MYOF: variants seen among roughly 807,000 people sequenced by gnomAD.
The protein encoded by MYOF is myoferlin, also known as fer-1-like 3, myoferlin.
A neutral mutation model predicts 284.2 loss-of-function variants in MYOF; 244 were observed. The observed-to-expected ratio is 0.86, with a 90% CI of 0.77 to 0.95. The LOEUF is 0.95. MYOF is among the 40% of genes least tolerant of loss of function. The probability of loss-of-function intolerance (pLI) is 0.00; values close to 1 mark genes in which losing one functional copy is unlikely to be tolerated. For synonymous variants in MYOF, 904 were observed against 919.7 expected (o/e 0.98, Z 0.31); for missense variants, 2,496 against 2,560.6 (o/e 0.97, Z 0.54).
chr10:93,402,159 C>A, intron 11 of MYOF, 73 bp downstream of exon 11: 1 of 1,178,336 alleles, frequency 8.5e-7, no homozygotes, highest in South Asian at 1.2e-5. Context: ...CACAATTACC[C>A]ATGCCCACAT....
At position 93,366,391 on chromosome 10, in the gene MYOF, C is replaced by T. The variant is rs753467491; in HGVS notation, c.2753+1G>A. ...TTTTACTCAGAAAATGGACAACTTACCTTCTTTCAGGATCAACTATCCACT... is the reference window on the plus strand; with the variant it reads ...TTTTACTCAGAAAATGGACAACTTATCTTCTTTCAGGATCAACTATCCACT... On this transcript the variant is annotated splice_donor_variant, in intron 26 of 53. Coordinates refer to ENST00000359263, the MANE Select transcript of MYOF (RefSeq NM_013451.4). LOFTEE classifies it high-confidence loss of function. 1.2e-6 allele frequency: 2 copies of T among 1,610,752 alleles called. No individual in the cohort carries two copies. The highest frequency in any genetic ancestry group is 1.7e-6 in the Non-Finnish European group (2 of 1,179,264).
chr10:93,347,896 G>C, intron 36 of MYOF, 114 bp from the exon 37 acceptor site: 1 of 1,047,004 alleles, frequency 9.6e-7, no homozygotes, highest in Non-Finnish European at 1.3e-6. Flanking sequence ...CAGAGGACTC[G>C]CAATAGTTCA....
intron 3 of MYOF, among the ~76,000 whole-genome samples, chr10:93,441,392 T>C (rs1418188458): frequency 6.7e-6 from 1 of 149,650 alleles, no homozygotes; most frequent in Non-Finnish European, 1.5e-5. Context: ...GTACATTTCT[T>C]TTTTTTTTTG....
intron 1 of MYOF, among the ~76,000 whole-genome samples, chr10:93,462,345 C>T (rs1391745735): frequency 6.6e-6 from 1 of 152,174 alleles, no homozygotes; most frequent in East Asian, 1.9e-4. Flanking sequence ...GCTGGGATTA[C>T]AGGCGTGAGA....
intron 1 of MYOF, among the ~76,000 whole-genome samples, chr10:93,464,030 C>T (rs960500720): frequency 1.3e-5 from 2 of 152,056 alleles, no homozygotes; most frequent in Admixed American, 6.6e-5. Context: ...ATGTTGCTGT[C>T]GAGGTATTTT....
intron 45 of MYOF, 131 bp from the exon 46 acceptor site, chr10:93,326,096 T>C: frequency 8.4e-7 from 1 of 1,193,068 alleles, no homozygotes; most frequent in Non-Finnish European, 1.2e-6. Flanking sequence ...ATGCAAACTT[T>C]GACTTGTGAA....
chr10:93,442,192 C>G (rs1364313489), intron 3 of MYOF, among the ~76,000 whole-genome samples: 1 of 152,140 alleles, frequency 6.6e-6, no homozygotes, highest in Non-Finnish European at 1.5e-5. Flanking sequence ...AGTTGAAGAT[C>G]AGACTGTCTG....
intron 37 of MYOF, 66 bp downstream of exon 37, chr10:93,347,551 T>C (rs1844256954): frequency 5.3e-6 from 2 of 378,358 alleles, no homozygotes; most frequent in South Asian, 3.5e-5. Flanking sequence ...AGAGCGAGAC[T>C]CCGTCTCAAA....
At chr10:93,317,586 G>A (rs1209229794) in intron 49 of MYOF, among the ~76,000 whole-genome samples, 4 of 152,150 alleles carry the variant, frequency 2.6e-5, no homozygotes, top group Admixed American at 1.3e-4. Context: ...GCAGTGAGCT[G>A]AGATCATACC....
At position 93,404,073 on chromosome 10, in the gene MYOF, C is replaced by A. The variant is rs1485839694; in HGVS notation, c.793G>T (p.Val265Phe). The A allele has an allele frequency of 6.2e-7, 1 of 1,614,132 alleles. No homozygotes were observed. Among genetic ancestry groups the A allele is most frequent in the Admixed American group, 1.7e-5 (1 of 60,018 alleles). ...GCCCGCAGAGAGTGAGAATTATAAA[C>A]CTGGAAGAAAGAAGAGTAGTGAAGA... ...ELMDEIISIR[V>F]YNSHSLRADC... Residue 265 changes from valine (V) to phenylalanine (F), a missense_variant and splice_region_variant, in exon 9 of 54, where the codon GTT becomes TTT. Physicochemically the swap from Val to Phe is conservative, Grantham distance 50. Coordinates refer to ENST00000359263, the MANE Select transcript of MYOF (RefSeq NM_013451.4).
chr10:93,414,636 G>A (rs1258697751), intron 5 of MYOF, among the ~76,000 whole-genome samples: 1 of 152,112 alleles, frequency 6.6e-6, no homozygotes, highest in African/African-American at 2.4e-5. Flanking sequence ...TCCAAATAAG[G>A]TCATATTCTG....
chr10:93,381,479 A>C (rs1846109182), intron 19 of MYOF, 83 bp from the exon 20 acceptor site: 1 of 1,366,838 alleles, frequency 7.3e-7, no homozygotes. Context: ...ACGCAATTCT[A>C]CACCTAATAA....
chr10:93,424,258 A>T (rs1848485747), intron 5 of MYOF, among the ~76,000 whole-genome samples: 1 of 152,136 alleles, frequency 6.6e-6, no homozygotes. Flanking sequence ...TTCAGAGGCT[A>T]CTCCAGATAG....
intron 7 of MYOF, among the ~76,000 whole-genome samples, chr10:93,407,527 G>A (rs1847664799): frequency 1.4e-5 from 2 of 146,054 alleles, no homozygotes; most frequent in African/African-American, 2.5e-5. Context: ...TCAAGAGATC[G>A]AGACCATCCT....
rs567588399 is a variant in MYOF at position 93,461,504 on chromosome 10, G to A, written c.89-4567C>T. Among the ~76,000 whole-genome samples, 5 of 152,320 alleles carry A rather than the reference G, an allele frequency of 3.3e-5. No homozygotes were observed. In the South Asian group the frequency reaches 8.3e-4, roughly 25 times the overall value. On this transcript the variant is annotated intron_variant, in intron 1 of 53. Transcript: ENST00000359263. ...TCAGAGGAAAGAAAGGTGACTTCAG[G>A]CTGTGTGCACAGAAGATGCAGAGGC...
chr10:93,315,582 G>A (rs952606293), intron 50 of MYOF, among the ~76,000 whole-genome samples: 6 of 152,142 alleles, frequency 3.9e-5, no homozygotes, highest in African/African-American at 1.4e-4. Flanking sequence ...CAGGCTCACT[G>A]CCAGCCAGAT....
At chr10:93,327,295 C>T (rs779130920) in intron 45 of MYOF, among the ~76,000 whole-genome samples, 9 of 152,090 alleles carry the variant, frequency 5.9e-5, no homozygotes, top group African/African-American at 1.2e-4. Context: ...ACTGCAGCCT[C>T]AGCCAACATC....
intron 25 of MYOF, among the ~76,000 whole-genome samples, chr10:93,367,625 C>G (rs1481486702): frequency 6.6e-6 from 1 of 152,082 alleles, no homozygotes; most frequent in Non-Finnish European, 1.5e-5. Flanking sequence ...GCTTGGAAGC[C>G]AGCATAGCCT....
chr10:93,421,165 C>A (rs1030517238), intron 5 of MYOF, among the ~76,000 whole-genome samples: 14 of 151,934 alleles, frequency 9.2e-5, no homozygotes, highest in Non-Finnish European at 1.5e-5. Context: ...TGCAATGAGC[C>A]AAGATTACTC....
Sources: gnomAD v4.1 joint callset for allele counts (sites outside exome capture counted in the v4.1 genomes callset) on GRCh38, gnomAD v4.1.1 for gene constraint, MANE v1.5 for transcripts, NCBI Gene and HGNC (gene_info 2026-07-23, HGNC 2026-07-21) for gene names.